DIP2C: variants seen among roughly 807,000 people sequenced by gnomAD.
DIP2C encodes DIP2 acetate--CoA ligase C (putative), also known as disco-interacting protein 2 homolog C.
In DIP2C, 33 loss-of-function variants were observed where a neutral mutation model predicts 192.4. The ratio of observed to expected loss-of-function variants is 0.17; its 90% CI spans 0.13 to 0.23. The LOEUF (loss-of-function observed/expected upper bound fraction) is 0.23, where lower values mean the gene tolerates loss of function less well. Among genes scored for constraint, DIP2C ranks in the 10% least tolerant of loss-of-function variants. The pLI is 1.00. For missense variants in DIP2C, 1,537 were observed against 2,110.1 expected, an observed-to-expected ratio of 0.73 and a Z score of 5.32; for synonymous variants, 979 against 864.1, an observed-to-expected ratio of 1.13 and a Z score of -2.33.
At chr10:502,049 G>A (rs1845269903) in intron 1 of DIP2C, among the ~76,000 whole-genome samples, 2 of 152,238 alleles carry the variant, frequency 1.3e-5, no homozygotes, top group Admixed American at 1.3e-4. Flanking sequence ...AGTAGGCTGA[G>A]GTGGGAGGAT....
At chr10:471,732 A>C (rs1970648251) in intron 3 of DIP2C, among the ~76,000 whole-genome samples, 1 of 152,176 alleles carries the variant, frequency 6.6e-6, no homozygotes, top group African/African-American at 2.4e-5. Context: ...AATAATTCAA[A>C]CATTAATCAC....
At chr10:588,930 G>GC (rs569535718) in intron 1 of DIP2C, among the ~76,000 whole-genome samples, 18 of 152,198 alleles carry the variant, frequency 1.2e-4, no homozygotes, top group Non-Finnish European at 2.5e-4. Context: ...AAACTGCTGA[G>GC]CCGTCTGCAC....
At chr10:454,361 G>A (rs1969107172) in intron 3 of DIP2C, among the ~76,000 whole-genome samples, 1 of 152,084 alleles carries the variant, frequency 6.6e-6, no homozygotes, top group Non-Finnish European at 1.5e-5. Flanking sequence ...ACTAAAAAGG[G>A]ATAAAATACT....
chr10:347,297 C>T (rs1958526042), intron 26 of DIP2C, among the ~76,000 whole-genome samples: 2 of 120,544 alleles, frequency 1.7e-5, no homozygotes, highest in Non-Finnish European at 3.4e-5. Context: ...CCGGGAACCC[C>T]ACACTCACCC....
At chr10:492,826 GT>G (rs1844541095) in intron 1 of DIP2C, among the ~76,000 whole-genome samples, 1 of 152,228 alleles carries the variant, frequency 6.6e-6, no homozygotes, top group Non-Finnish European at 1.5e-5. Context: ...GAAACAGCAT[GT>G]TTGGAATCCA....
At chr10:569,222 C>A (rs923999549) in intron 1 of DIP2C, among the ~76,000 whole-genome samples, 3 of 152,202 alleles carry the variant, frequency 2.0e-5, no homozygotes, top group African/African-American at 7.2e-5. Flanking sequence ...GCCTACCCTG[C>A]CCTTTACAGA....
intron 28 of DIP2C, among the ~76,000 whole-genome samples, chr10:341,595 G>C (rs1378196693): frequency 6.6e-6 from 1 of 152,066 alleles, no homozygotes; most frequent in African/African-American, 2.4e-5. Context: ...CAGACACCCG[G>C]GACAATACGG....
intron 28 of DIP2C, among the ~76,000 whole-genome samples, chr10:343,998 G>GAC (rs1411387476): frequency 1.3e-5 from 2 of 152,162 alleles, no homozygotes; most frequent in Non-Finnish European, 2.9e-5. Context: ...GCCTTTGCGG[G>GAC]ACTTCAGCAG....
chr10:606,991 A>G (rs1852537447), intron 1 of DIP2C, among the ~76,000 whole-genome samples: 1 of 152,220 alleles, frequency 6.6e-6, no homozygotes, highest in East Asian at 1.9e-4. Flanking sequence ...TGTACGTGGC[A>G]GAAATGCTGC....
intron 1 of DIP2C, among the ~76,000 whole-genome samples, chr10:625,581 G>A (rs2131856521): frequency 6.6e-6 from 1 of 152,302 alleles, no homozygotes; most frequent in East Asian, 1.9e-4. Context: ...ACTCAGCACA[G>A]CAGAGCAGGC....
chr10:526,147 G>A lies in DIP2C; in HGVS notation c.86-39617C>T, dbSNP rs541243841. Among the ~76,000 whole-genome samples, 6 of 152,268 alleles carry A rather than the reference G, an allele frequency of 3.9e-5. No individual in the cohort carries two copies. In the East Asian group the frequency reaches 7.7e-4, roughly 20 times the overall value. Reference sequence around the variant, plus strand: ...GAAAGCGTCCACCTGAAACAGGACCGACCGGGGCTCACATCAGCAGACACA... The same window carrying A: ...GAAAGCGTCCACCTGAAACAGGACCAACCGGGGCTCACATCAGCAGACACA... On this transcript the variant is annotated intron_variant, in intron 1 of 36. Coordinates refer to ENST00000280886, the MANE Select transcript of DIP2C (RefSeq NM_014974.3).
intron 1 of DIP2C, among the ~76,000 whole-genome samples, chr10:582,864 A>AAG (rs1311683396): frequency 2.6e-5 from 4 of 152,220 alleles, no homozygotes; most frequent in Non-Finnish European, 5.9e-5. Flanking sequence ...TTATATACCT[A>AAG]AGTTCCTATG....
chr10:681,914 C>G (rs1006972174), intron 1 of DIP2C, among the ~76,000 whole-genome samples: 5 of 152,214 alleles, frequency 3.3e-5, no homozygotes, highest in Non-Finnish European at 7.3e-5. Flanking sequence ...CAACACTCAC[C>G]GTGTATCTCC....
intron 29 of DIP2C, chr10:340,877 C>G (rs1958112279): frequency 2.1e-6 from 1 of 475,068 alleles, no homozygotes; most frequent in South Asian, 1.5e-5. Flanking sequence ...AGAACCCAGG[C>G]CCAGCACCAT....
At chr10:414,729 G>GTATA (rs1373768409) in intron 7 of DIP2C, among the ~76,000 whole-genome samples, 2 of 69,258 alleles carry the variant, frequency 2.9e-5, no homozygotes, top group African/African-American at 5.5e-5. Flanking sequence ...GTGTGTGTGT[G>GTATA]TGTGTGTGTG....
intron 32 of DIP2C, among the ~76,000 whole-genome samples, chr10:305,089 AAC>A (rs540526667): frequency 7.8e-4 from 118 of 152,126 alleles, no homozygotes; most frequent in Middle Eastern, 3.4e-3. Context: ...GTGCAGTTGA[AAC>A]ACATGCAGTA....
chr10:455,488 G>C (rs1486339147), intron 3 of DIP2C, among the ~76,000 whole-genome samples: 2 of 99,666 alleles, frequency 2.0e-5, no homozygotes, highest in African/African-American at 3.2e-5. Flanking sequence ...GTCCCTGCCT[G>C]AGGGGAGACC....
intron 1 of DIP2C, among the ~76,000 whole-genome samples, chr10:551,037 G>A (rs1049296794): frequency 4.0e-5 from 6 of 151,838 alleles, no homozygotes; most frequent in African/African-American, 1.5e-4. Context: ...TGCCCTCACT[G>A]GACACTGTGG....
At chr10:409,714 G>A (rs1965059241) in intron 8 of DIP2C, among the ~76,000 whole-genome samples, 1 of 152,202 alleles carries the variant, frequency 6.6e-6, no homozygotes, top group Admixed American at 6.5e-5. Flanking sequence ...AAACTGCCTC[G>A]AGAGGCTCCA....
Sources: gnomAD v4.1 joint callset for allele counts (sites outside exome capture counted in the v4.1 genomes callset) on GRCh38, gnomAD v4.1.1 for gene constraint, MANE v1.5 for transcripts, NCBI Gene and HGNC (gene_info 2026-07-23, HGNC 2026-07-21) for gene names.